Variants in UBE2R2 observed in about 807,000 individuals in gnomAD.
The protein encoded by UBE2R2 is ubiquitin-conjugating enzyme E2 R2.
Under a neutral mutation model 27.8 loss-of-function variants are expected in UBE2R2, and 1 was observed. That is an observed-to-expected ratio of 0.04 (90% CI 0.01 to 0.17). The LOEUF (loss-of-function observed/expected upper bound fraction) is 0.17, where lower values mean the gene tolerates loss of function less well. Ranked by LOEUF, UBE2R2 falls within the 10% of genes least tolerant of loss-of-function variation. The pLI is 1.00. For synonymous variants in UBE2R2, 106 were observed against 113.3 expected (o/e 0.94, Z 0.41); for missense variants, 100 against 291.0 (o/e 0.34, Z 4.78).
intron 3 of UBE2R2, among the ~76,000 whole-genome samples, chr9:33,906,005 G>C (rs149123992): frequency 6.6e-6 from 1 of 152,226 alleles, no homozygotes; most frequent in African/African-American, 2.4e-5. Context: ...ATCAATCTGC[G>C]TGTGTGTTTG....
chr9:33,840,406 G>T (rs1014724258), intron 1 of UBE2R2, among the ~76,000 whole-genome samples: 1 of 152,110 alleles, frequency 6.6e-6, no homozygotes, highest in Non-Finnish European at 1.5e-5. Context: ...CACAGTTTAT[G>T]CCTCTATCCC....
chr9:33,833,276 A>G (rs1269990696), intron 1 of UBE2R2, among the ~76,000 whole-genome samples: 3 of 152,186 alleles, frequency 2.0e-5, no homozygotes, highest in African/African-American at 7.2e-5. Flanking sequence ...CGTGTTAGCC[A>G]GGATGGTCTT....
chr9:33,861,153 G>A (rs1821226223), intron 1 of UBE2R2, among the ~76,000 whole-genome samples: 1 of 150,680 alleles, frequency 6.6e-6, no homozygotes, highest in South Asian at 2.1e-4. Context: ...GTAGATAGGG[G>A]GTTTCACTGT....
intron 1 of UBE2R2, among the ~76,000 whole-genome samples, chr9:33,827,883 A>G (rs1239590550): frequency 9.2e-5 from 14 of 151,592 alleles, no homozygotes; most frequent in Non-Finnish European, 1.5e-5. Context: ...AGGCGGGTGA[A>G]TTGCTTGAAC....
At chr9:33,886,587 G>T (rs1486599264) in intron 1 of UBE2R2, among the ~76,000 whole-genome samples, 4 of 151,242 alleles carry the variant, frequency 2.6e-5, no homozygotes, top group Admixed American at 2.6e-4. Flanking sequence ...CCTGGGAGGT[G>T]GAGGTTGCAG....
chr9:33,840,659 G>A (rs986523852), intron 1 of UBE2R2, among the ~76,000 whole-genome samples: 3 of 152,082 alleles, frequency 2.0e-5, no homozygotes, highest in African/African-American at 7.2e-5. Context: ...CATGTCCGCA[G>A]TTGTTGGGCT....
chr9:33,903,030 C>T (rs544239081), intron 3 of UBE2R2, among the ~76,000 whole-genome samples: 85 of 151,646 alleles, frequency 5.6e-4, no homozygotes, highest in African/African-American at 1.8e-3. Context: ...ACCTGGGAGG[C>T]GGAGGTTGCG....
intron 1 of UBE2R2, among the ~76,000 whole-genome samples, chr9:33,834,776 G>A (rs1820575844): frequency 6.6e-6 from 1 of 151,812 alleles, no homozygotes; most frequent in South Asian, 2.1e-4. Flanking sequence ...CGGATGTGGT[G>A]ACACATGCCT....
At position 33,919,128 on chromosome 9, in the gene UBE2R2, T is replaced by C. The variant is rs1231091493; in HGVS notation, c.*1891T>C. On this transcript the variant is annotated 3_prime_UTR_variant, in exon 5 of 5. Coordinates refer to ENST00000263228, the MANE Select transcript of UBE2R2 (RefSeq NM_017811.4). ...CCAGAATCTAGTGATTTTAGTCAGA[T>C]CCATGGAACAGAGCAGCTTCGTAAT... 1 of 152,328 alleles carries C rather than the reference T, an allele frequency of 6.6e-6. No individual in the cohort carries two copies. The allele number at this position is 152,328 out of a possible 1,614,324, so 9.4% of individuals were successfully genotyped here. A position where few individuals can be genotyped will look rare whatever the true frequency, so the allele number is the denominator to read the frequency against.
chr9:33,913,948 A>G (rs186597288), intron 4 of UBE2R2, among the ~76,000 whole-genome samples: 1 of 152,342 alleles, frequency 6.6e-6, no homozygotes, highest in African/African-American at 2.4e-5. Flanking sequence ...TCCTACAGAA[A>G]TTTAGAGGAG....
At chr9:33,834,423 G>A (rs1647056962) in intron 1 of UBE2R2, among the ~76,000 whole-genome samples, 1 of 151,606 alleles carries the variant, frequency 6.6e-6, no homozygotes, top group South Asian at 2.1e-4. Context: ...TGTTGGTCAG[G>A]CTGGTCTCGC....
upstream of UBE2R2, among the ~76,000 whole-genome samples, chr9:33,815,499 C>CT (rs1374960665): frequency 3.3e-5 from 5 of 152,330 alleles, no homozygotes; most frequent in Middle Eastern, 3.4e-3. Flanking sequence ...AATCCCAGCA[C>CT]TTTGGGAGGC....
At chr9:33,901,427 C>T (rs1466790719) in intron 3 of UBE2R2, among the ~76,000 whole-genome samples, 1 of 152,152 alleles carries the variant, frequency 6.6e-6, no homozygotes, top group East Asian at 1.9e-4. Context: ...ACTTTTCATT[C>T]TGTACTCCTT....
rs185211468 is a variant in UBE2R2 at position 33,919,452 on chromosome 9, G to T, written c.*2215G>T. On this transcript the variant is annotated 3_prime_UTR_variant, in exon 5 of 5. Coordinates refer to ENST00000263228, the MANE Select transcript of UBE2R2 (RefSeq NM_017811.4). ...ATTGCGGGAGGTGCTCTGCTGCACA[G>T]CTGTTCCATCAGGCCCTATTGGCCT... The T allele has an allele frequency of 1.3e-5, 2 of 152,354 alleles. No individual in the cohort carries two copies. The highest frequency in any genetic ancestry group is 6.5e-5 in the Admixed American group (1 of 15,304). 9.4% of individuals were successfully genotyped at this position (152,354 alleles called of 1,614,324 possible).
intron 1 of UBE2R2, among the ~76,000 whole-genome samples, chr9:33,849,315 T>C (rs1171236202): frequency 6.6e-6 from 1 of 152,148 alleles, no homozygotes; most frequent in Non-Finnish European, 1.5e-5. Flanking sequence ...CACTGCTCTG[T>C]GCTGAGTAGG....
intron 1 of UBE2R2, among the ~76,000 whole-genome samples, chr9:33,866,997 G>A (rs990313747): frequency 2.6e-5 from 4 of 151,948 alleles, no homozygotes; most frequent in Non-Finnish European, 5.9e-5. Flanking sequence ...TTCTTTTATG[G>A]ATATTACTTT....
At chr9:33,857,173 G>A (rs1821126506) in intron 1 of UBE2R2, among the ~76,000 whole-genome samples, 1 of 151,492 alleles carries the variant, frequency 6.6e-6, no homozygotes, top group Non-Finnish European at 1.5e-5. Flanking sequence ...TGGGATTGCA[G>A]GCATGAGCCA....
rs902418017 is a variant in UBE2R2, at chr9:33,836,297, T to G, written c.177+18363T>G. On this transcript the variant is annotated intron_variant, in intron 1 of 4. Coordinates refer to ENST00000263228, the MANE Select transcript of UBE2R2 (RefSeq NM_017811.4). ...TAGATGTGTAGGAGCCTATACCATC[T>G]AGGTACAAGTATACCATTTTTGTGT... Among the ~76,000 whole-genome samples the G allele has an allele frequency of 2.6e-5, 4 of 152,224 alleles. No homozygotes were observed. The East Asian group carries it at 7.7e-4, about 29-fold the overall frequency.
intron 1 of UBE2R2, among the ~76,000 whole-genome samples, chr9:33,885,815 T>A (rs187349107): frequency 6.6e-6 from 1 of 152,310 alleles, no homozygotes; most frequent in East Asian, 1.9e-4. Flanking sequence ...TCCCATTGCT[T>A]TTGTGGAAGA....
Sources: allele counts gnomAD v4.1 joint callset (sites outside exome capture counted in the v4.1 genomes callset), GRCh38; gene constraint gnomAD v4.1.1; transcripts MANE v1.5; gene names NCBI Gene and HGNC (gene_info 2026-07-23, HGNC 2026-07-21).